VPS37A: variants seen among roughly 807,000 people sequenced by gnomAD.
VPS37A encodes VPS37A subunit of ESCRT-I.
A neutral mutation model predicts 49.8 loss-of-function variants in VPS37A; 30 were observed. The ratio of observed to expected loss-of-function variants is 0.60; its 90% confidence interval spans 0.45 to 0.82. The LOEUF is 0.82. Among genes scored for constraint, VPS37A ranks in the 40% least tolerant of loss-of-function variants. VPS37A has a pLI of 0.00. For synonymous variants in VPS37A, 195 were observed against 160.6 expected, an observed-to-expected ratio of 1.21 and a Z score of -1.62; for missense variants, 593 against 464.4, an observed-to-expected ratio of 1.28 and a Z score of -2.55.
At chr8:17,331,130 T>C in the VPS37A span, 1 of 1,605,996 alleles carries the variant, frequency 6.2e-7, no homozygotes, top group Non-Finnish European at 8.5e-7. Context: ...TTTAATGCTG[T>C]GCATAAGGAA....
chr8:17,273,431 A>T (rs901826310), intron 4 of VPS37A, among the ~76,000 whole-genome samples: 2 of 152,106 alleles, frequency 1.3e-5, no homozygotes, highest in African/African-American at 4.8e-5. Flanking sequence ...CAGTGGCGCA[A>T]TCTCGGCTCA....
chr8:17,320,107 A>G, the VPS37A span, among the ~76,000 whole-genome samples: 1 of 151,982 alleles, frequency 6.6e-6, no homozygotes, highest in South Asian at 2.1e-4. Flanking sequence ...GGTTAAATAA[A>G]ATACATTATG....
chr8:17,288,210 T>G (rs1043061175), intron 11 of VPS37A, among the ~76,000 whole-genome samples: 1 of 152,142 alleles, frequency 6.6e-6, no homozygotes, highest in Non-Finnish European at 1.5e-5. Context: ...TCAAGTTATT[T>G]TATAGGAAAA....
At chr8:17,278,626 G>C (rs1039663318) in intron 6 of VPS37A, among the ~76,000 whole-genome samples, 1 of 151,908 alleles carries the variant, frequency 6.6e-6, no homozygotes, top group Non-Finnish European at 1.5e-5. Context: ...TTCTCTGAAG[G>C]GTGCTTGTTC....
rs1811314260 is a variant in VPS37A, at chr8:17,247,259, T to C, written c.15T>C (p.Phe5=). 2 of 1,571,258 alleles carry C rather than the reference T, an allele frequency of 1.3e-6. No individual in the cohort carries two copies. Among genetic ancestry groups the C allele is most frequent in the Non-Finnish European group, 1.7e-6 (2 of 1,158,302 alleles). ...ACCCGAGGAGGATGAGCTGGCTTTT[T>C]CCCCTGACCAAGAGCGCCTCCTCCT... MSWL[F]PLTKSASSSA... Residue 5 remains phenylalanine (F), a synonymous_variant, in exon 1 of 12, where the codon TTT becomes TTC. Coordinates refer to ENST00000324849, the MANE Select transcript of VPS37A (RefSeq NM_152415.3).
intron 4 of VPS37A, among the ~76,000 whole-genome samples, chr8:17,269,335 C>A (rs939541151): frequency 6.6e-6 from 1 of 152,112 alleles, no homozygotes; most frequent in East Asian, 1.9e-4. Context: ...CTGTGACTCT[C>A]AATATTGTCC....
At chr8:17,328,798 T>A in the VPS37A span, among the ~76,000 whole-genome samples, 1 of 152,214 alleles carries the variant, frequency 6.6e-6, no homozygotes, top group Non-Finnish European at 1.5e-5. Flanking sequence ...AGGGAAACTA[T>A]CGTGAAAATC....
At chr8:17,305,774 C>T, downstream of VPS37A, 1 of 1,612,164 alleles carries the variant, frequency 6.2e-7, no homozygotes, top group South Asian at 1.1e-5. Context: ...CTCGTCTCTC[C>T]TTTTGGCTGT....
chr8:17,304,395 A>G (rs377292749), downstream of VPS37A: 13 of 1,612,810 alleles, frequency 8.1e-6, no homozygotes, highest in East Asian at 1.3e-4. Flanking sequence ...ATGAAGTTAC[A>G]TGGTGTTGTA....
At chr8:17,255,365 C>T (rs1812344879) in intron 1 of VPS37A, among the ~76,000 whole-genome samples, 2 of 152,090 alleles carry the variant, frequency 1.3e-5, no homozygotes, top group African/African-American at 4.8e-5. Flanking sequence ...CCTGTAATCC[C>T]AGCTACTCGG....
the VPS37A span, chr8:17,311,886 TTAC>T: frequency 2.1e-6 from 1 of 467,796 alleles, no homozygotes; most frequent in African/African-American, 2.0e-5. Context: ...GCGCATGTAC[TTAC>T]TAAACATAAG....
chr8:17,319,992 A>C, the VPS37A span, among the ~76,000 whole-genome samples: 1 of 152,204 alleles, frequency 6.6e-6, no homozygotes, highest in Non-Finnish European at 1.5e-5. Flanking sequence ...GTAAGTGTAA[A>C]ATATGAATCA....
the VPS37A span, among the ~76,000 whole-genome samples, chr8:17,322,950 C>CTTTTTTTTTT: frequency 1.2e-3 from 157 of 125,728 alleles, 3 homozygotes; most frequent in East Asian, 4.0e-3. Flanking sequence ...ATTGAATTAT[C>CTTTTTTTTTT]TTTTTTTTTT....
At chr8:17,299,396 G>A (rs1411444023), downstream of VPS37A, 1 of 154,144 alleles carries the variant, frequency 6.5e-6, no homozygotes, top group Non-Finnish European at 1.4e-5. Context: ...CAATGTGCCT[G>A]TTTTTAGAAA....
At chr8:17,280,795 G>C (rs1435458156) in intron 9 of VPS37A, among the ~76,000 whole-genome samples, 1 of 151,724 alleles carries the variant, frequency 6.6e-6, no homozygotes, top group Admixed American at 6.6e-5. Flanking sequence ...TAAATGAAAA[G>C]TTCGCAAATT....
Position 17,251,286 on chromosome 8 carries a change from TGGGA to T in VPS37A, c.125+3920_125+3923del, listed in dbSNP as rs752486494. On this transcript the variant is annotated intron_variant, in intron 1 of 11. Coordinates refer to ENST00000324849, the MANE Select transcript of VPS37A (RefSeq NM_152415.3). ...TTTCTCAGCAATAGTAACAAATGACTGGGAGGAAGAAATGTCTCATGTTTTGGAT... is the reference window on the plus strand; with the variant it reads ...TTTCTCAGCAATAGTAACAAATGACTGGAAGAAATGTCTCATGTTTTGGAT... Among the ~76,000 whole-genome samples, 4 of 152,308 alleles carry T rather than the reference TGGGA, an allele frequency of 2.6e-5. No homozygotes were observed. In the South Asian group the frequency reaches 8.3e-4, roughly 32 times the overall value.
chr8:17,248,782 G>C (rs2151032024), intron 1 of VPS37A, among the ~76,000 whole-genome samples: 1 of 152,248 alleles, frequency 6.6e-6, no homozygotes, highest in Non-Finnish European at 1.5e-5. Context: ...CAATTGTTCT[G>C]TTTGTTCAGA....
Position 17,280,416 on chromosome 8 carries a change from G to GAT in VPS37A, c.943_944dup (p.Met315IlefsTer21). The GAT allele has an allele frequency of 6.2e-7, 1 of 1,609,066 alleles. No individual in the cohort carries two copies. On this transcript the variant is annotated frameshift_variant, in exon 9 of 12. Transcript: ENST00000324849. LOFTEE classifies it high-confidence loss of function. ...AGATGAAGTCCACTTTCGAAAAGAA[G>GAT]ATGCAAAGGCAGCATGAACTTAGTG... is the stretch of plus-strand genomic sequence containing the variant.
chr8:17,331,065 A>T, the VPS37A span: 1 of 1,489,930 alleles, frequency 6.7e-7, no homozygotes, highest in Non-Finnish European at 9.0e-7. Flanking sequence ...ATGTAAAAAC[A>T]TTTTAAAATC....
Sources: allele counts gnomAD v4.1 joint callset (sites outside exome capture counted in the v4.1 genomes callset), GRCh38; gene constraint gnomAD v4.1.1; transcripts MANE v1.5; gene names NCBI Gene and HGNC (gene_info 2026-07-23, HGNC 2026-07-21).